YIPF1: variants seen among roughly 807,000 people sequenced by gnomAD.
YIPF1 encodes Yip1 domain family member 1.
Under a neutral mutation model 37.0 loss-of-function variants are expected in YIPF1, and 22 were observed. That is an observed-to-expected ratio of 0.59 (90% CI 0.42 to 0.85). YIPF1 has a LOEUF of 0.85. Ranked by LOEUF, YIPF1 falls within the 40% of genes least tolerant of loss-of-function variation. The pLI is 0.00. For synonymous variants in YIPF1, 128 were observed against 131.9 expected (o/e 0.97, Z 0.21); for missense variants, 355 against 373.1 (o/e 0.95, Z 0.40).
At chr1:53,886,400 G>A (rs1650652767) in intron 3 of YIPF1, among the ~76,000 whole-genome samples, 1 of 151,854 alleles carries the variant, frequency 6.6e-6, no homozygotes, top group South Asian at 2.1e-4. Flanking sequence ...TCTTATTTCT[G>A]CCACCAACAT....
chr1:53,887,836 A>G (rs1344230964), intron 3 of YIPF1, among the ~76,000 whole-genome samples: 1 of 152,236 alleles, frequency 6.6e-6, no homozygotes, highest in African/African-American at 2.4e-5. Context: ...AAAACAGGGG[A>G]ATAAAGTAAC....
intron 5 of YIPF1, 113 bp from the exon 6 acceptor site, chr1:53,878,515 T>C: frequency 7.6e-6 from 11 of 1,455,058 alleles, no homozygotes; most frequent in Non-Finnish European, 9.5e-6. Context: ...TTTCAAATGC[T>C]AATAACCCTT....
chr1:53,855,882 C>T (rs1266582584), intron 10 of YIPF1, among the ~76,000 whole-genome samples: 1 of 152,168 alleles, frequency 6.6e-6, no homozygotes, highest in Non-Finnish European at 1.5e-5. Context: ...AGGGGTTCTC[C>T]CTGGAATGTG....
At chr1:53,870,360 G>A (rs541928724) in intron 7 of YIPF1, among the ~76,000 whole-genome samples, 1 of 150,472 alleles carries the variant, frequency 6.6e-6, no homozygotes, top group Admixed American at 6.7e-5. Context: ...TTTAGTTTTA[G>A]AGACAAGGTC....
In YIPF1 at chr1:53,866,369, A is replaced by T. The variant is rs768936857; in HGVS notation, c.662T>A (p.Ile221Asn). The change falls in exon 9 of 11, where the codon ATC (isoleucine) becomes AAC (asparagine). Residue 221 changes from isoleucine to asparagine, a missense_variant. Transcript: ENST00000072644. The stretch of plus-strand genomic sequence containing the variant: ...AATCCAACGAACAGCTTTCTGGGGG[A>T]TAATCCACAGTATCTGAAAGAAGAG... ...IYIPTAILWI[I>N]PQKAVRWILV... The T allele has an allele frequency of 1.1e-5, 17 of 1,613,984 alleles. No homozygotes were observed. The highest frequency in any genetic ancestry group is 1.4e-5 in the Non-Finnish European group (16 of 1,179,938).
chr1:53,889,198 C>G (rs1650736569), intron 2 of YIPF1, 46 bp downstream of exon 2: 2 of 401,896 alleles, frequency 5.0e-6, no homozygotes, highest in South Asian at 9.2e-5. Flanking sequence ...GGTTCCAATT[C>G]AACCTTATTT....
intron 6 of YIPF1, among the ~76,000 whole-genome samples, chr1:53,876,349 T>A (rs1650334624): frequency 6.6e-6 from 1 of 152,212 alleles, no homozygotes; most frequent in East Asian, 1.9e-4. Flanking sequence ...TGTAGAAATT[T>A]TAAATTTTAG....
intron 4 of YIPF1, chr1:53,882,886 C>G (rs1234125958): frequency 2.5e-6 from 1 of 392,492 alleles, no homozygotes; most frequent in African/African-American, 2.1e-5. Flanking sequence ...GTCCCACATT[C>G]CATAAGCTAG....
chr1:53,875,534 G>A (rs1650313570), intron 6 of YIPF1, among the ~76,000 whole-genome samples: 1 of 152,054 alleles, frequency 6.6e-6, no homozygotes, highest in Non-Finnish European at 1.5e-5. Flanking sequence ...AAAAAAGTAT[G>A]TTACTCGTCT....
chr1:53,859,914 T>A (rs1461510796), intron 10 of YIPF1, 142 bp downstream of exon 10: 14 of 694,798 alleles, frequency 2.0e-5, no homozygotes, highest in Non-Finnish European at 2.8e-5. Context: ...AACACAGACA[T>A]GCACATGCAC....
rs1256105915 is a variant in YIPF1, at chr1:53,852,006, C to T, written c.*273G>A. 1 of 152,240 alleles carries T rather than the reference C, an allele frequency of 6.6e-6. No homozygotes were observed. The highest frequency in any genetic ancestry group is 1.5e-5 in the Non-Finnish European group (1 of 68,062). 9.4% of individuals were successfully genotyped at this position (152,240 alleles called of 1,614,324 possible). Reference sequence around the variant, plus strand: ...GTGGTGGCAAAGGGACGGCACTGAGCATGCCTAACCTATTCCCTGGCATTT... The same window carrying T: ...GTGGTGGCAAAGGGACGGCACTGAGTATGCCTAACCTATTCCCTGGCATTT... On this transcript the variant is annotated 3_prime_UTR_variant, in exon 11 of 11. Transcript: ENST00000072644.
chr1:53,874,109 C>T (rs551447581), intron 6 of YIPF1, among the ~76,000 whole-genome samples: 9 of 152,236 alleles, frequency 5.9e-5, no homozygotes, highest in East Asian at 1.9e-4. Flanking sequence ...CCCTCTCCCC[C>T]GTTTGCAACC....
intron 9 of YIPF1, among the ~76,000 whole-genome samples, chr1:53,861,039 T>G (rs910919143): frequency 1.3e-5 from 2 of 152,202 alleles, no homozygotes; most frequent in African/African-American, 2.4e-5. Flanking sequence ...ACAACCATTT[T>G]TCACCAGCTC....
At chr1:53,858,192 G>A (rs1649774490) in intron 10 of YIPF1, among the ~76,000 whole-genome samples, 1 of 152,120 alleles carries the variant, frequency 6.6e-6, no homozygotes, top group African/African-American at 2.4e-5. Context: ...CATGAGAAGA[G>A]AGGAAGAGGC....
chr1:53,887,739 G>A (rs1298632541), intron 3 of YIPF1, among the ~76,000 whole-genome samples: 2 of 152,190 alleles, frequency 1.3e-5, no homozygotes, highest in Non-Finnish European at 2.9e-5. Context: ...ATACCAGACT[G>A]GATGGGTTCA....
intron 9 of YIPF1, among the ~76,000 whole-genome samples, chr1:53,863,619 T>C (rs1380745380): frequency 1.3e-5 from 2 of 152,160 alleles, no homozygotes; most frequent in African/African-American, 4.8e-5. Context: ...TACGCTCTTT[T>C]AGAAAGTTCC....
intron 10 of YIPF1, among the ~76,000 whole-genome samples, chr1:53,857,761 CA>C (rs1245520908): frequency 1.3e-5 from 2 of 152,072 alleles, no homozygotes; most frequent in Non-Finnish European, 2.9e-5. Context: ...GTGGGTGGCT[CA>C]CAAGGTCAGG....
chr1:53,865,541 A>T (rs574095689), intron 9 of YIPF1, among the ~76,000 whole-genome samples: 36 of 152,210 alleles, frequency 2.4e-4, no homozygotes, highest in African/African-American at 8.4e-4. Flanking sequence ...TTATATAGAG[A>T]ACTTGAGCAT....
chr1:53,886,165 T>C (rs577831395), intron 3 of YIPF1, among the ~76,000 whole-genome samples: 52 of 151,936 alleles, frequency 3.4e-4, no homozygotes, highest in African/African-American at 1.2e-3. Flanking sequence ...AGATACCATA[T>C]GAGAAGGATG....
Sources: allele counts gnomAD v4.1 joint callset (sites outside exome capture counted in the v4.1 genomes callset), GRCh38; gene constraint gnomAD v4.1.1; transcripts MANE v1.5; gene names NCBI Gene and HGNC (gene_info 2026-07-23, HGNC 2026-07-21).